CCDC91: variants seen among roughly 807,000 people sequenced by gnomAD.
CCDC91 encodes the protein coiled-coil domain-containing protein 91.
Under a neutral mutation model 63.2 loss-of-function variants are expected in CCDC91, and 48 were observed. The observed-to-expected ratio is 0.76, with a 90% CI of 0.60 to 0.97. CCDC91 has a LOEUF of 0.97. Ranked by LOEUF, CCDC91 falls within the 50% of genes least tolerant of loss-of-function variation. CCDC91 has a pLI of 0.00. For missense variants in CCDC91, 500 were observed against 494.6 expected, an observed-to-expected ratio of 1.01 and a Z score of -0.10; for synonymous variants, 167 against 165.8, an observed-to-expected ratio of 1.01 and a Z score of -0.06.
intron 12 of CCDC91, among the ~76,000 whole-genome samples, chr12:28,539,374 C>T (rs1463454158): frequency 6.6e-6 from 1 of 152,156 alleles, no homozygotes; most frequent in Non-Finnish European, 1.5e-5. Context: ...ATCGTTTCCC[C>T]ATTTCTTGTT....
chr12:28,348,943 C>G (rs1200331529), intron 6 of CCDC91, among the ~76,000 whole-genome samples: 4 of 152,144 alleles, frequency 2.6e-5, no homozygotes, highest in African/African-American at 9.7e-5. Context: ...AGGCTGGTCT[C>G]AAACTCCTGA....
chr12:28,331,401 C>T (rs1941497697), intron 6 of CCDC91, among the ~76,000 whole-genome samples: 1 of 152,084 alleles, frequency 6.6e-6, no homozygotes, highest in African/African-American at 2.4e-5. Context: ...AATTACAGGA[C>T]AAAATAGAAG....
intron 3 of CCDC91, among the ~76,000 whole-genome samples, chr12:28,263,131 C>T (rs1946939705): frequency 6.6e-6 from 1 of 152,000 alleles, no homozygotes; most frequent in African/African-American, 2.4e-5. Flanking sequence ...ATGGAGCTAT[C>T]ACTGAATTTG....
At chr12:28,267,274 A>T (rs1052169724) in intron 3 of CCDC91, among the ~76,000 whole-genome samples, 2 of 151,822 alleles carry the variant, frequency 1.3e-5, no homozygotes, top group African/African-American at 4.8e-5. Flanking sequence ...TATTATATAT[A>T]CATAGTAATA....
intron 3 of CCDC91, among the ~76,000 whole-genome samples, chr12:28,267,690 T>G (rs1425548907): frequency 9.2e-6 from 1 of 108,658 alleles, no homozygotes; most frequent in African/African-American, 3.4e-5. Context: ...GTTATATAAA[T>G]TATTTATTAT....
At chr12:28,445,706 G>C (rs1246648493) in intron 8 of CCDC91, among the ~76,000 whole-genome samples, 1 of 152,188 alleles carries the variant, frequency 6.6e-6, no homozygotes, top group Admixed American at 6.5e-5. Flanking sequence ...TATATTTACA[G>C]TTCTGGAGGC....
chr12:28,470,367 A>AT (rs1950755655), intron 11 of CCDC91, among the ~76,000 whole-genome samples: 1 of 152,202 alleles, frequency 6.6e-6, no homozygotes, highest in Non-Finnish European at 1.5e-5. Flanking sequence ...AAAATTGCAG[A>AT]TAAAAACTGC....
At chr12:28,405,687 AT>A (rs751412421) in intron 8 of CCDC91, among the ~76,000 whole-genome samples, 1 of 152,038 alleles carries the variant, frequency 6.6e-6, no homozygotes, top group Non-Finnish European at 1.5e-5. Flanking sequence ...CAGGGCTTCT[AT>A]TTTTCAACAT....
At chr12:28,201,763 C>T (rs9262692) in intron 1 of CCDC91, among the ~76,000 whole-genome samples, 17 of 144,070 alleles carry the variant, frequency 1.2e-4, no homozygotes, top group East Asian at 1.9e-4. Flanking sequence ...AACCAGACTC[C>T]GTCTGCAATC....
In CCDC91 at chr12:28,214,424, AC is replaced by A. The variant is rs371998963; in HGVS notation, c.-15+23787del. On this transcript the variant is annotated intron_variant, in intron 1 of 12. Coordinates refer to ENST00000536442, the MANE Select transcript of CCDC91 (RefSeq NM_018318.5). ...TCCTTCAGGAATGAAAGTTAGGGTC[AC>A]CCCACTGGGTAAACAGTCACAACCA... 4.6e-3 allele frequency among the ~76,000 whole-genome samples: 694 copies of A among 152,244 alleles called. 6 individuals carry two copies. Among genetic ancestry groups the A allele is most frequent in the African/African-American group, 0.016 (653 of 41,546 alleles).
intron 6 of CCDC91, among the ~76,000 whole-genome samples, chr12:28,353,831 C>T (rs1943343492): frequency 6.6e-6 from 1 of 151,910 alleles, no homozygotes; most frequent in African/African-American, 2.4e-5. Context: ...ACAGAGTGAG[C>T]ACACAACTGT....
At chr12:28,394,438 C>T (rs1946155162) in intron 8 of CCDC91, among the ~76,000 whole-genome samples, 1 of 151,736 alleles carries the variant, frequency 6.6e-6, no homozygotes, top group Non-Finnish European at 1.5e-5. Context: ...TGCACTCCAG[C>T]CTGGGCGACA....
In CCDC91 at chr12:28,546,471, G is replaced by A. The variant is rs563896520; in HGVS notation, c.1216-2592G>A. Among the ~76,000 whole-genome samples, 70 of 152,138 alleles carry A rather than the reference G, an allele frequency of 4.6e-4. 1 individual carries two copies. The highest frequency in any genetic ancestry group is 1.8e-3 in the Admixed American group (28 of 15,246). On this transcript the variant is annotated intron_variant, in intron 12 of 12. Transcript: ENST00000536442. ...GAATTGTTCAAGGGAACAGGATGGAGAGCCTAAAGACAGGTTCCTGCATAT... is the reference window on the plus strand; with the variant it reads ...GAATTGTTCAAGGGAACAGGATGGAAAGCCTAAAGACAGGTTCCTGCATAT...
At chr12:28,222,519 A>G (rs181562148) in intron 1 of CCDC91, among the ~76,000 whole-genome samples, 135 of 152,180 alleles carry the variant, frequency 8.9e-4, no homozygotes, top group Non-Finnish European at 4.4e-5. Context: ...CTCACTTCCT[A>G]TTTTTACTAA....
At chr12:28,510,975 C>T (rs891203621) in intron 12 of CCDC91, among the ~76,000 whole-genome samples, 2 of 151,954 alleles carry the variant, frequency 1.3e-5, no homozygotes, top group East Asian at 3.9e-4. Flanking sequence ...GCTGCACAAA[C>T]CAAAATCCTA....
intron 1 of CCDC91, among the ~76,000 whole-genome samples, chr12:28,201,195 G>A (rs879961279): frequency 6.6e-6 from 1 of 151,512 alleles, no homozygotes; most frequent in African/African-American, 2.4e-5. Flanking sequence ...TCCCAGACGG[G>A]GTGACTGCTG....
chr12:28,542,864 C>G (rs1942727353), intron 12 of CCDC91, among the ~76,000 whole-genome samples: 1 of 151,960 alleles, frequency 6.6e-6, no homozygotes. Context: ...AGAAACACTA[C>G]TCTGATATAT....
chr12:28,209,228 A>T (rs1303266508), intron 1 of CCDC91, among the ~76,000 whole-genome samples: 1 of 152,178 alleles, frequency 6.6e-6, no homozygotes, highest in Non-Finnish European at 1.5e-5. Flanking sequence ...AATCAATTCA[A>T]TCTTGGTTTG....
intron 8 of CCDC91, among the ~76,000 whole-genome samples, chr12:28,395,965 G>A (rs943480414): frequency 2.0e-5 from 3 of 152,118 alleles, no homozygotes; most frequent in African/African-American, 7.2e-5. Flanking sequence ...ACTCGGCTTG[G>A]TTATAGGAAC....
Sources: gnomAD v4.1 joint callset for allele counts (sites outside exome capture counted in the v4.1 genomes callset) on GRCh38, gnomAD v4.1.1 for gene constraint, MANE v1.5 for transcripts, NCBI Gene and HGNC (gene_info 2026-07-23, HGNC 2026-07-21) for gene names.